RGS9: variants seen among roughly 807,000 people sequenced by gnomAD.
RGS9 encodes the protein regulator of G-protein signalling 9.
Under a neutral mutation model 102.0 loss-of-function variants are expected in RGS9, and 78 were observed. The observed-to-expected ratio is 0.76, with a 90% CI of 0.64 to 0.92. RGS9 has a LOEUF of 0.92. Among genes scored for constraint, RGS9 ranks in the 40% least tolerant of loss-of-function variants. The probability of loss-of-function intolerance (pLI) is 0.00; values close to 1 mark genes in which losing one functional copy is unlikely to be tolerated. For synonymous variants in RGS9, 353 were observed against 318.6 expected (o/e 1.11, Z -1.15); for missense variants, 833 against 866.1 (o/e 0.96, Z 0.48).
intron 2 of RGS9, among the ~76,000 whole-genome samples, chr17:65,154,239 G>A (rs560767744): frequency 7.9e-5 from 12 of 151,164 alleles, no homozygotes; most frequent in African/African-American, 2.9e-4. Flanking sequence ...CCCGGGAGGC[G>A]GAGTTTGCAG....
chr17:65,212,730 C>G (rs918334020), intron 17 of RGS9, among the ~76,000 whole-genome samples: 1 of 152,204 alleles, frequency 6.6e-6, no homozygotes, highest in Non-Finnish European at 1.5e-5. Context: ...TCCATTTGCA[C>G]TGGTTGCAGA....
At chr17:65,183,736 G>C (rs1475468074) in intron 9 of RGS9, among the ~76,000 whole-genome samples, 1 of 152,152 alleles carries the variant, frequency 6.6e-6, no homozygotes, top group Non-Finnish European at 1.5e-5. Context: ...TCCGTGGCTT[G>C]CTTGGCCCCC....
chr17:65,156,706 G>A (rs1041343493), intron 2 of RGS9, among the ~76,000 whole-genome samples: 63 of 152,254 alleles, frequency 4.1e-4, no homozygotes, highest in African/African-American at 1.4e-3. Context: ...GAAAGCCCTC[G>A]GCTCCTCGGT....
intron 2 of RGS9, among the ~76,000 whole-genome samples, chr17:65,157,486 G>A (rs1468802489): frequency 6.6e-6 from 1 of 151,866 alleles, no homozygotes; most frequent in Non-Finnish European, 1.5e-5. Flanking sequence ...TCCTTGAGGG[G>A]AGCAGGTGGG....
At chr17:65,176,758 T>C (rs377362650) in intron 8 of RGS9, among the ~76,000 whole-genome samples, 5,289 of 114,318 alleles carry the variant, frequency 0.046, 106 homozygotes, top group Middle Eastern at 0.07. Context: ...CATCCACCCA[T>C]CCACCCATCC....
At chr17:65,150,043 A>C (rs1311410909) in intron 1 of RGS9, among the ~76,000 whole-genome samples, 1 of 152,214 alleles carries the variant, frequency 6.6e-6, no homozygotes, top group East Asian at 1.9e-4. Flanking sequence ...CAAGGTGGCT[A>C]AATGGAGGGG....
intron 18 of RGS9, among the ~76,000 whole-genome samples, chr17:65,226,141 G>C (rs1432240331): frequency 6.6e-6 from 1 of 152,248 alleles, no homozygotes; most frequent in Non-Finnish European, 1.5e-5. Flanking sequence ...GCCAGAGGGG[G>C]CAGAACTAAG....
In RGS9 at chr17:65,202,083, G is replaced by A. The variant is rs200892317; in HGVS notation, c.1064+3G>A. 7 of 1,608,194 alleles carry A rather than the reference G, an allele frequency of 4.4e-6. No individual in the cohort carries two copies. The highest frequency in any genetic ancestry group is 3.3e-5 in the Admixed American group (2 of 59,980). Reference sequence around the variant, plus strand: ...GAGAAAGCAGAGGAGATTTACAAGTGAGCATCAGCCAGGGTGCTGGAAAGC... The same window carrying A: ...GAGAAAGCAGAGGAGATTTACAAGTAAGCATCAGCCAGGGTGCTGGAAAGC... On this transcript the variant is annotated splice_donor_region_variant and intron_variant, in intron 14 of 18. Coordinates refer to ENST00000262406, the MANE Select transcript of RGS9 (RefSeq NM_003835.4).
chr17:65,174,890 G>A (rs1295696389), intron 8 of RGS9, among the ~76,000 whole-genome samples: 1 of 152,146 alleles, frequency 6.6e-6, no homozygotes, highest in Non-Finnish European at 1.5e-5. Context: ...GAGCGAGTAT[G>A]TGAAAGAGGA....
Position 65,170,797 on chromosome 17 carries a change from C to T in RGS9, c.582+2516C>T, listed in dbSNP as rs72850397. Among the ~76,000 whole-genome samples, 1,176 of 152,316 alleles carry T rather than the reference C, an allele frequency of 7.7e-3. 10 individuals are homozygous for T. The highest frequency in any genetic ancestry group is 0.012 in the Non-Finnish European group (817 of 68,032). On this transcript the variant is annotated intron_variant, in intron 8 of 18. Coordinates refer to ENST00000262406, the MANE Select transcript of RGS9 (RefSeq NM_003835.4). The stretch of plus-strand genomic sequence containing the variant: ...TCCCCACATCTAACCTCTTTCATGG[C>T]TGCTCCCTGAGTGAAAACCAGACCA...
In RGS9 at chr17:65,190,254, T is replaced by C; in HGVS notation, c.746+18T>C. The C allele has an allele frequency of 5.6e-6, 9 of 1,602,732 alleles. No individual in the cohort carries two copies. The highest frequency in any genetic ancestry group is 4.4e-5 in the South Asian group (4 of 90,820). On this transcript the variant is annotated intron_variant, in intron 11 of 18. Transcript: ENST00000262406. The stretch of plus-strand genomic sequence containing the variant: ...CTGGGAGGGTATGTCCCTGATTTGT[T>C]GATCTTGCTAAAGTCTGATGAACAG...
At chr17:65,140,083 T>C (rs1445355005) in intron 1 of RGS9, among the ~76,000 whole-genome samples, 1 of 152,110 alleles carries the variant, frequency 6.6e-6, no homozygotes, top group African/African-American at 2.4e-5. Flanking sequence ...TAGCTGGAGG[T>C]TATGGCCACC....
At chr17:65,148,249 T>C (rs572669474) in intron 1 of RGS9, among the ~76,000 whole-genome samples, 1 of 152,370 alleles carries the variant, frequency 6.6e-6, no homozygotes, top group African/African-American at 2.4e-5. Flanking sequence ...TTGCAGAATT[T>C]CCTTCTTTTC....
intron 1 of RGS9, 33 bp from the exon 2 acceptor site, chr17:65,153,389 C>T (rs369693307): frequency 1.1e-4 from 179 of 1,576,576 alleles, no homozygotes; most frequent in Middle Eastern, 5.0e-4. Flanking sequence ...AAATTGTTCT[C>T]GTCAGTCGGC....
Position 65,225,064 on chromosome 17 carries a change from G to T in RGS9, c.1470G>T (p.Pro490=). The T allele has an allele frequency of 6.2e-7, 1 of 1,613,886 alleles. No homozygotes were observed. ...LTVYTGTCMP[P]SPSSPFSSSC... ...TGTACACCGGGACCTGCATGCCCCC[G>T]TCTCCTTCTAGCCCCTTCTCCTCCT... Residue 490 remains proline, a synonymous_variant, in exon 18 of 19, where the codon CCG becomes CCT. Transcript: ENST00000262406.
intron 7 of RGS9, among the ~76,000 whole-genome samples, chr17:65,164,090 G>A (rs1911085770): frequency 6.6e-6 from 1 of 152,226 alleles, no homozygotes; most frequent in South Asian, 2.1e-4. Flanking sequence ...GACAGGGAGT[G>A]GTAGGGAGAG....
intron 9 of RGS9, among the ~76,000 whole-genome samples, chr17:65,187,736 G>A (rs1326101359): frequency 2.6e-5 from 4 of 152,222 alleles, no homozygotes; most frequent in Non-Finnish European, 4.4e-5. Context: ...GGTGGCTCAC[G>A]CCTGTAATCC....
intron 9 of RGS9, among the ~76,000 whole-genome samples, chr17:65,182,213 C>T (rs1911911630): frequency 6.6e-6 from 1 of 152,238 alleles, no homozygotes; most frequent in Admixed American, 6.5e-5. Context: ...AGCCCTCACA[C>T]ACCATATGCT....
chr17:65,145,566 AT>A (rs948538218), intron 1 of RGS9, among the ~76,000 whole-genome samples: 21 of 118,316 alleles, frequency 1.8e-4, no homozygotes, highest in Non-Finnish European at 2.5e-4. Context: ...TTTTTTTTTA[AT>A]ATATTTTTAA....
Sources: gnomAD v4.1 joint callset for allele counts (sites outside exome capture counted in the v4.1 genomes callset) on GRCh38, gnomAD v4.1.1 for gene constraint, MANE v1.5 for transcripts, NCBI Gene and HGNC (gene_info 2026-07-23, HGNC 2026-07-21) for gene names.